The following ITGA9 variants were observed in gnomAD, a reference collection of about 807,000 sequenced individuals.
The protein encoded by ITGA9 is integrin alpha-9.
ITGA9 carries 56 observed loss-of-function variants against 127.8 expected under a neutral mutation model. The ratio of observed to expected loss-of-function variants is 0.44; its 90% CI spans 0.35 to 0.55. The LOEUF (loss-of-function observed/expected upper bound fraction) is 0.55, where lower values mean the gene tolerates loss of function less well. ITGA9 is among the 20% of genes least tolerant of loss of function. ITGA9 has a pLI of 0.00. For missense variants in ITGA9, 1,196 were observed against 1,347.1 expected (o/e 0.89, Z 1.76); for synonymous variants, 508 against 514.5 (o/e 0.99, Z 0.17).
At chr3:37,675,880 A>G (rs1700676896) in intron 17 of ITGA9, among the ~76,000 whole-genome samples, 1 of 150,560 alleles carries the variant, frequency 6.6e-6, no homozygotes, top group Non-Finnish European at 1.5e-5. Flanking sequence ...AGTAGCTGGG[A>G]CTACAGGTGT....
At chr3:37,565,877 T>C (rs1467100728) in intron 15 of ITGA9, among the ~76,000 whole-genome samples, 1 of 152,146 alleles carries the variant, frequency 6.6e-6, no homozygotes, top group Non-Finnish European at 1.5e-5. Context: ...TTGGGAACTG[T>C]TTCGCCAGAA....
chr3:37,582,632 G>A (rs1324000271), intron 15 of ITGA9, among the ~76,000 whole-genome samples: 1 of 152,190 alleles, frequency 6.6e-6, no homozygotes, highest in African/African-American at 2.4e-5. Context: ...GTTAGTCCAT[G>A]GAGTGGTGGG....
chr3:37,558,844 CT>C (rs1699456457), intron 15 of ITGA9, among the ~76,000 whole-genome samples: 1 of 152,180 alleles, frequency 6.6e-6, no homozygotes, highest in Admixed American at 6.5e-5. Flanking sequence ...GCTTTTTCCC[CT>C]GGGCTGACTT....
intron 19 of ITGA9, among the ~76,000 whole-genome samples, chr3:37,733,707 A>G (rs188438223): frequency 4.8e-4 from 73 of 152,156 alleles, no homozygotes; most frequent in African/African-American, 1.6e-3. Flanking sequence ...ACTTGAACCC[A>G]TAAGCCCCAT....
intron 4 of ITGA9, among the ~76,000 whole-genome samples, chr3:37,489,259 AGAATGTTTTCACTG>A (rs1698642334): frequency 6.6e-6 from 1 of 152,252 alleles, no homozygotes; most frequent in Non-Finnish European, 1.5e-5. Context: ...TTGGATGATA[AGAATGTTTTCACTG>A]GAAATGTGCT....
At chr3:37,657,134 A>T (rs1157764783) in intron 17 of ITGA9, among the ~76,000 whole-genome samples, 1 of 152,284 alleles carries the variant, frequency 6.6e-6, no homozygotes, top group Middle Eastern at 3.4e-3. Context: ...TTCATCAGGG[A>T]TATTGACATG....
chr3:37,611,858 G>C (rs887027158), intron 15 of ITGA9, among the ~76,000 whole-genome samples: 5 of 152,034 alleles, frequency 3.3e-5, no homozygotes, highest in African/African-American at 1.2e-4. Flanking sequence ...ATGGAGCCCA[G>C]AGAGCCCACT....
At chr3:37,613,010 C>T (rs937935416) in intron 15 of ITGA9, among the ~76,000 whole-genome samples, 10 of 150,878 alleles carry the variant, frequency 6.6e-5, no homozygotes, top group Non-Finnish European at 1.3e-4. Flanking sequence ...ATGTGCACAA[C>T]GTGCAGGTTT....
chr3:37,564,315 G>C (rs6809094), intron 15 of ITGA9, among the ~76,000 whole-genome samples: 28,800 of 152,174 alleles, frequency 0.19, 2,948 homozygotes, highest in African/African-American at 0.24. Context: ...TGTTTCATAT[G>C]TAGAGATTTT....
At chr3:37,687,983 G>GT (rs1559568052) in intron 18 of ITGA9, among the ~76,000 whole-genome samples, 1 of 152,248 alleles carries the variant, frequency 6.6e-6, no homozygotes, top group African/African-American at 2.4e-5. Context: ...AAGAGACTGT[G>GT]TGTAACAAAC....
intron 14 of ITGA9, among the ~76,000 whole-genome samples, chr3:37,535,196 T>C (rs983969064): frequency 6.6e-6 from 1 of 152,232 alleles, no homozygotes; most frequent in Admixed American, 6.5e-5. Flanking sequence ...ATGGAGCTTC[T>C]AAAGGGAGTT....
At chr3:37,618,432 C>G (rs975292161) in intron 15 of ITGA9, among the ~76,000 whole-genome samples, 6 of 152,230 alleles carry the variant, frequency 3.9e-5, no homozygotes, top group Admixed American at 2.0e-4. Flanking sequence ...AGGAGGCAGT[C>G]TGTCCATTCT....
rs751531491 is a variant in ITGA9 at position 37,818,983 on chromosome 3, C to T, written c.3102C>T (p.Asn1034=). 1.2e-6 allele frequency: 2 copies of T among 1,607,794 alleles called. No homozygotes were observed. The highest frequency in any genetic ancestry group is 1.1e-5 in the South Asian group (1 of 90,958). ...NEDSWDWVQK[N]Q is the part of the protein sequence containing the mutation. ...ACAGTTGGGACTGGGTCCAGAAAAA[C>T]CAGTGAGCTGCCACACCAGTCACAT... The change falls in exon 28 of 28, where the codon AAC becomes AAT. Residue 1034 remains asparagine, a synonymous_variant. Coordinates refer to ENST00000264741, the MANE Select transcript of ITGA9 (RefSeq NM_002207.3).
intron 18 of ITGA9, among the ~76,000 whole-genome samples, chr3:37,708,942 T>A (rs991592119): frequency 6.6e-6 from 1 of 152,234 alleles, no homozygotes; most frequent in Admixed American, 6.5e-5. Context: ...TAGGGTTTTG[T>A]CACCAGACTT....
chr3:37,611,629 C>G (rs951085355), intron 15 of ITGA9, among the ~76,000 whole-genome samples: 2 of 152,068 alleles, frequency 1.3e-5, no homozygotes, highest in African/African-American at 2.4e-5. Flanking sequence ...CAGTTAGCCC[C>G]CAAGCTGAGA....
At chr3:37,728,443 C>G (rs187637617) in intron 18 of ITGA9, among the ~76,000 whole-genome samples, 1 of 152,226 alleles carries the variant, frequency 6.6e-6, no homozygotes, top group East Asian at 1.9e-4. Context: ...GTGGGTATGT[C>G]TGTGACTCTT....
intron 16 of ITGA9, among the ~76,000 whole-genome samples, chr3:37,642,741 G>A (rs967831437): frequency 6.6e-6 from 1 of 152,194 alleles, no homozygotes; most frequent in African/African-American, 2.4e-5. Context: ...TGAAAAGTGA[G>A]CTATTTTAGT....
chr3:37,585,505 T>C (rs548390263), intron 15 of ITGA9: 37 of 455,560 alleles, frequency 8.1e-5, no homozygotes, highest in African/African-American at 4.9e-4. Flanking sequence ...CTTTTCTTCT[T>C]TGGGATTTCT....
intron 16 of ITGA9, among the ~76,000 whole-genome samples, chr3:37,646,077 C>CT (rs1324403173): frequency 6.6e-6 from 1 of 152,094 alleles, no homozygotes; most frequent in African/African-American, 2.4e-5. Context: ...TCATTGAAAT[C>CT]TTTTTTTTCC....
Sources: allele counts gnomAD v4.1 joint callset (sites outside exome capture counted in the v4.1 genomes callset), GRCh38; gene constraint gnomAD v4.1.1; transcripts MANE v1.5; gene names NCBI Gene and HGNC (gene_info 2026-07-23, HGNC 2026-07-21).